SNTG1: variants seen among roughly 807,000 people sequenced by gnomAD.
The protein encoded by SNTG1 is gamma-1-syntrophin.
SNTG1 carries 39 observed loss-of-function variants against 74.7 expected under a neutral mutation model. The ratio of observed to expected loss-of-function variants is 0.52; its 90% CI spans 0.40 to 0.68. SNTG1 has a LOEUF of 0.68. Ranked by LOEUF, SNTG1 falls within the 30% of genes least tolerant of loss-of-function variation. The pLI is 0.00. For synonymous variants in SNTG1, 254 were observed against 217.1 expected (o/e 1.17, Z -1.49); for missense variants, 685 against 609.5 (o/e 1.12, Z -1.30).
At chr8:50,065,594 A>G (rs1025932725) in intron 1 of SNTG1, among the ~76,000 whole-genome samples, 1 of 152,168 alleles carries the variant, frequency 6.6e-6, no homozygotes, top group African/African-American at 2.4e-5. Flanking sequence ...TAAAATTCTT[A>G]TTAAACAACT....
At chr8:50,315,004 CATTGATTATA>C (rs2090261726) in intron 2 of SNTG1, among the ~76,000 whole-genome samples, 1 of 149,560 alleles carries the variant, frequency 6.7e-6, no homozygotes, top group African/African-American at 2.5e-5. Context: ...GCATTAAACT[CATTGATTATA>C]ATTTATTTAT....
chr8:50,407,871 G>A (rs890123023), intron 4 of SNTG1, among the ~76,000 whole-genome samples: 7 of 152,194 alleles, frequency 4.6e-5, no homozygotes, highest in Non-Finnish European at 1.0e-4. Context: ...CTAAATCACA[G>A]TGCTGCCAAA....
intron 2 of SNTG1, among the ~76,000 whole-genome samples, chr8:50,267,337 A>G (rs2087534460): frequency 6.6e-6 from 1 of 152,172 alleles, no homozygotes; most frequent in African/African-American, 2.4e-5. Context: ...GACCTAGTTA[A>G]TAAGTGGGTG....
intron 2 of SNTG1, among the ~76,000 whole-genome samples, chr8:50,391,793 T>C (rs2092665463): frequency 6.6e-6 from 1 of 152,154 alleles, no homozygotes; most frequent in African/African-American, 2.4e-5. Flanking sequence ...TCTGGTTTAG[T>C]CTTGGGAGTG....
chr8:50,021,852 G>A (rs1816845030), intron 1 of SNTG1, among the ~76,000 whole-genome samples: 1 of 150,922 alleles, frequency 6.6e-6, no homozygotes, highest in African/African-American at 2.4e-5. Flanking sequence ...GAGGCAGGAG[G>A]CTTGCTTGAG....
intron 2 of SNTG1, among the ~76,000 whole-genome samples, chr8:50,367,093 A>T (rs1419653288): frequency 6.6e-6 from 1 of 151,850 alleles, no homozygotes; most frequent in South Asian, 2.1e-4. Context: ...AGAGTTGATG[A>T]TAATTGTTCT....
chr8:50,466,767 G>T lies in SNTG1; in HGVS notation c.363+16038G>T, dbSNP rs372834147. ...CATATATTGCTAAATTTTGACCCAG[G>T]TACATCAATTATTTGGTGTTATTGT... On this transcript the variant is annotated intron_variant, in intron 8 of 18. Transcript: ENST00000642720. Among the ~76,000 whole-genome samples the T allele has an allele frequency of 2.9e-4, 44 of 151,934 alleles. 2 individuals carry two copies. The highest frequency in any genetic ancestry group is 1.9e-3 in the East Asian group (10 of 5,174).
chr8:50,239,778 AG>A (rs1352746249), intron 2 of SNTG1, among the ~76,000 whole-genome samples: 1 of 152,190 alleles, frequency 6.6e-6, no homozygotes, highest in Non-Finnish European at 1.5e-5. Flanking sequence ...ATTATTCACT[AG>A]GTTTACACTG....
At chr8:50,501,380 A>G (rs1344634225) in intron 8 of SNTG1, among the ~76,000 whole-genome samples, 1 of 127,736 alleles carries the variant, frequency 7.8e-6, no homozygotes, top group Non-Finnish European at 1.6e-5. Context: ...TTCAGTGTTT[A>G]CAGTTGTACT....
intron 9 of SNTG1, among the ~76,000 whole-genome samples, chr8:50,505,470 T>C (rs1253888293): frequency 6.6e-6 from 1 of 152,182 alleles, no homozygotes; most frequent in Non-Finnish European, 1.5e-5. Context: ...AAGCTTCCAA[T>C]TTCTACATAT....
intron 12 of SNTG1, among the ~76,000 whole-genome samples, chr8:50,571,117 C>T (rs756997249): frequency 6.6e-6 from 1 of 152,170 alleles, no homozygotes; most frequent in African/African-American, 2.4e-5. Flanking sequence ...TGCCCCCATG[C>T]CCCTCTTTGC....
At chr8:50,507,683 T>C (rs61400055) in intron 9 of SNTG1, among the ~76,000 whole-genome samples, 20,333 of 148,086 alleles carry the variant, frequency 0.14, 2,306 homozygotes, top group African/African-American at 0.33. Flanking sequence ...TACTATTTCA[T>C]TTCTTTTTTT....
intron 2 of SNTG1, among the ~76,000 whole-genome samples, chr8:50,218,650 T>G (rs1224261910): frequency 1.3e-5 from 2 of 152,144 alleles, no homozygotes; most frequent in East Asian, 1.9e-4. Context: ...TTATTGAAAT[T>G]TTTAAAATAC....
intron 1 of SNTG1, among the ~76,000 whole-genome samples, chr8:49,982,366 C>T (rs1812758764): frequency 6.6e-6 from 1 of 151,744 alleles, no homozygotes; most frequent in Admixed American, 6.6e-5. Flanking sequence ...CATTTTGGGC[C>T]CATCTGCTCC....
chr8:50,438,517 C>T, intron 4 of SNTG1, 26 bp from the exon 5 acceptor site: 1 of 1,605,692 alleles, frequency 6.2e-7, no homozygotes, highest in Non-Finnish European at 8.5e-7. Flanking sequence ...GAAACACTAA[C>T]CATTCTTAAA....
intron 9 of SNTG1, among the ~76,000 whole-genome samples, chr8:50,519,055 A>G (rs2094157633): frequency 6.6e-6 from 1 of 152,208 alleles, no homozygotes; most frequent in African/African-American, 2.4e-5. Context: ...AAAATCCTCC[A>G]AAAGCAACTC....
intron 9 of SNTG1, among the ~76,000 whole-genome samples, chr8:50,512,566 A>G (rs1278855180): frequency 1.3e-5 from 2 of 152,072 alleles, no homozygotes; most frequent in African/African-American, 2.4e-5. Flanking sequence ...TCAGACATAG[A>G]TTTGGTCTTT....
At chr8:50,365,261 G>A (rs1292892846) in intron 2 of SNTG1, among the ~76,000 whole-genome samples, 1 of 152,020 alleles carries the variant, frequency 6.6e-6, no homozygotes, top group African/African-American at 2.4e-5. Flanking sequence ...AATTTTTGAT[G>A]GTGTCATTGT....
At chr8:49,971,829 A>G (rs1440502209) in intron 1 of SNTG1, among the ~76,000 whole-genome samples, 1 of 152,200 alleles carries the variant, frequency 6.6e-6, no homozygotes, top group African/African-American at 2.4e-5. Context: ...GACCTCTTCA[A>G]GGAGAACTAC....
Sources: allele counts gnomAD v4.1 joint callset (sites outside exome capture counted in the v4.1 genomes callset), GRCh38; gene constraint gnomAD v4.1.1; transcripts MANE v1.5; gene names NCBI Gene and HGNC (gene_info 2026-07-23, HGNC 2026-07-21).